The following C2orf66 variants were observed in gnomAD, a reference collection of about 807,000 sequenced individuals.
The protein encoded by C2orf66 is chromosome 2 open reading frame 66.
Under a neutral mutation model 7.0 loss-of-function variants are expected in C2orf66, and 6 were observed. That is an observed-to-expected ratio of 0.86 (90% confidence interval 0.47 to 1.69). The LOEUF (loss-of-function observed/expected upper bound fraction) is 1.69. Among genes scored for constraint, C2orf66 ranks in the 40% most tolerant of loss-of-function variants. The probability of loss-of-function intolerance (pLI) is 0.01; values close to 1 mark genes in which losing one functional copy is unlikely to be tolerated. For missense variants in C2orf66, 107 were observed against 112.0 expected, an observed-to-expected ratio of 0.96 and a Z score of 0.20; for synonymous variants, 38 against 43.8, an observed-to-expected ratio of 0.87 and a Z score of 0.52.
At chr2:196,807,958 A>C (rs1183624630) in intron 1 of C2orf66, among the ~76,000 whole-genome samples, 3 of 152,254 alleles carry the variant, frequency 2.0e-5, no homozygotes, top group South Asian at 4.1e-4. Flanking sequence ...TAAGCAGCTC[A>C]GTATCTCCTC....
At chr2:196,820,300 G>A in the C2orf66 span, among the ~76,000 whole-genome samples, 1 of 152,066 alleles carries the variant, frequency 6.6e-6, no homozygotes, top group Non-Finnish European at 1.5e-5. Context: ...GGCCCTATTT[G>A]GTGCATCCTG....
chr2:196,811,108 A>C (rs1992171), upstream of C2orf66, among the ~76,000 whole-genome samples: 151,754 of 152,302 alleles, frequency 1, 75,605 homozygotes, highest in Middle Eastern at 1. Context: ...GTGTGTCTAA[A>C]AAGGTGAACA....
At chr2:196,816,200 TG>T in the C2orf66 span, among the ~76,000 whole-genome samples, 1 of 152,172 alleles carries the variant, frequency 6.6e-6, no homozygotes, top group Non-Finnish European at 1.5e-5. Context: ...CCTCATATTC[TG>T]GGGGCACAAA....
intron 1 of C2orf66, 52 bp from the exon 2 acceptor site, chr2:196,807,674 A>G (rs776690516): frequency 6.9e-7 from 1 of 1,442,402 alleles, no homozygotes; most frequent in Admixed American, 2.0e-5. Context: ...AACACCAAAA[A>G]TAAAGGTGTT....
At chr2:196,829,916 A>C in the C2orf66 span, among the ~76,000 whole-genome samples, 2 of 152,124 alleles carry the variant, frequency 1.3e-5, no homozygotes, top group Non-Finnish European at 2.9e-5. Flanking sequence ...CAAACAAAAC[A>C]AAAACGACAA....
At chr2:196,821,641 T>C in the C2orf66 span, among the ~76,000 whole-genome samples, 2 of 152,200 alleles carry the variant, frequency 1.3e-5, no homozygotes, top group Non-Finnish European at 1.5e-5. Context: ...CACATCAGAA[T>C]ATTAAACTAG....
rs1699798150 is a variant in C2orf66, at chr2:196,804,480, T to C, written c.*948A>G. ...CAATAATCCACCCAAAAAAGCCACA[T>C]TAAAATATTTTGAAATGCACAGACT... On this transcript the variant is annotated 3_prime_UTR_variant, in exon 3 of 3. Coordinates refer to ENST00000342506, the MANE Select transcript of C2orf66 (RefSeq NM_213608.3). Among the ~76,000 whole-genome samples, 1 of 152,350 alleles carries C rather than the reference T, an allele frequency of 6.6e-6. No homozygotes were observed. Among genetic ancestry groups the C allele is most frequent in the African/African-American group, 2.4e-5 (1 of 41,582 alleles).
the C2orf66 span, among the ~76,000 whole-genome samples, chr2:196,816,886 G>A: frequency 6.6e-6 from 1 of 152,160 alleles, no homozygotes. Flanking sequence ...GTGTTGGCCG[G>A]CTGAGAAATA....
the C2orf66 span, among the ~76,000 whole-genome samples, chr2:196,817,648 G>C: frequency 6.6e-6 from 1 of 152,144 alleles, no homozygotes; most frequent in African/African-American, 2.4e-5. Flanking sequence ...TAGTAAGCCT[G>C]AGAGTACTGC....
the C2orf66 span, among the ~76,000 whole-genome samples, chr2:196,816,867 T>C: frequency 6.6e-6 from 1 of 152,202 alleles, no homozygotes; most frequent in African/African-American, 2.4e-5. Flanking sequence ...TTCTTTCTAT[T>C]TTGCATAAGT....
At chr2:196,816,435 T>C in the C2orf66 span, among the ~76,000 whole-genome samples, 3 of 152,252 alleles carry the variant, frequency 2.0e-5, no homozygotes, top group Middle Eastern at 3.2e-3. Context: ...CAGAATTCTG[T>C]AGTTATTCAC....
chr2:196,823,417 G>A, the C2orf66 span, among the ~76,000 whole-genome samples: 1 of 152,108 alleles, frequency 6.6e-6, no homozygotes, highest in South Asian at 2.1e-4. Context: ...GAGCTCAGGA[G>A]TTCAAGACCA....
chr2:196,815,277 G>C, the C2orf66 span, among the ~76,000 whole-genome samples: 1 of 151,928 alleles, frequency 6.6e-6, no homozygotes, highest in Non-Finnish European at 1.5e-5. Flanking sequence ...CCAGTTTCTT[G>C]ATTTTAAATT....
At chr2:196,824,459 T>G in the C2orf66 span, among the ~76,000 whole-genome samples, 1 of 152,204 alleles carries the variant, frequency 6.6e-6, no homozygotes, top group Non-Finnish European at 1.5e-5. Flanking sequence ...TCTTCTGATT[T>G]TTTTTCTTCA....
upstream of C2orf66, among the ~76,000 whole-genome samples, chr2:196,813,407 C>T (rs182783396): frequency 4.3e-4 from 65 of 152,274 alleles, no homozygotes; most frequent in Non-Finnish European, 7.6e-4. Flanking sequence ...CCTTTCCTTA[C>T]AGCTTATATG....
At chr2:196,827,995 A>T in the C2orf66 span, among the ~76,000 whole-genome samples, 1 of 152,064 alleles carries the variant, frequency 6.6e-6, no homozygotes, top group East Asian at 1.9e-4. Context: ...TTCTAGAAAC[A>T]TTTTTCAAAG....
chr2:196,811,950 T>C (rs539518704), upstream of C2orf66, among the ~76,000 whole-genome samples: 40 of 152,230 alleles, frequency 2.6e-4, no homozygotes, highest in African/African-American at 9.6e-4. Context: ...AAGGGACACA[T>C]TGGATAAAAT....
chr2:196,817,142 T>A, the C2orf66 span, among the ~76,000 whole-genome samples: 6 of 151,220 alleles, frequency 4.0e-5, no homozygotes, highest in African/African-American at 1.5e-4. Context: ...AAACTCCTGC[T>A]AAGGGTCCAG....
At chr2:196,815,134 T>C in the C2orf66 span, among the ~76,000 whole-genome samples, 3,934 of 150,832 alleles carry the variant, frequency 0.026, 74 homozygotes, top group Middle Eastern at 0.037. Context: ...CTGGCTCTCT[T>C]TTTTTTTTCT....
Sources: allele counts gnomAD v4.1 joint callset (sites outside exome capture counted in the v4.1 genomes callset), GRCh38; gene constraint gnomAD v4.1.1; transcripts MANE v1.5; gene names NCBI Gene and HGNC (gene_info 2026-07-23, HGNC 2026-07-21).